ANO4: variants seen among roughly 807,000 people sequenced by gnomAD.
ANO4 encodes anoctamin-4.
In ANO4, 69 loss-of-function variants were observed where a neutral mutation model predicts 141.9. The ratio of observed to expected loss-of-function variants is 0.49; its 90% CI spans 0.40 to 0.59. ANO4 has a LOEUF of 0.59. ANO4 is among the 20% of genes least tolerant of loss of function. The pLI is 0.00. For synonymous variants in ANO4, 350 were observed against 394.3 expected (o/e 0.89, Z 1.33); for missense variants, 894 against 1,162.2 (o/e 0.77, Z 3.36).
chr12:100,888,937 T>A (rs1023871040), intron 1 of ANO4, among the ~76,000 whole-genome samples: 14 of 151,974 alleles, frequency 9.2e-5, no homozygotes, highest in African/African-American at 3.4e-4. Flanking sequence ...TGTGCAGGTT[T>A]GTTACATATG....
chr12:100,906,423 G>C lies in ANO4; in HGVS notation c.55+4583G>C, dbSNP rs186279103. On this transcript the variant is annotated intron_variant, in intron 2 of 27. Coordinates refer to ENST00000392977, the MANE Select transcript of ANO4 (RefSeq NM_001286615.2). ...AAGAGAGGTGGTAAGAGAATGGAAT[G>C]TGTGGCACTAATATTGTGGCACATA... is the stretch of plus-strand genomic sequence containing the variant. Among the ~76,000 whole-genome samples, 106 of 152,312 alleles carry C rather than the reference G, an allele frequency of 7.0e-4. 1 individual carries two copies. In the East Asian group the frequency reaches 0.017, roughly 25 times the overall value.
At chr12:101,072,607 A>G (rs2048859216) in intron 14 of ANO4, among the ~76,000 whole-genome samples, 2 of 152,342 alleles carry the variant, frequency 1.3e-5, no homozygotes, top group Admixed American at 1.3e-4. Flanking sequence ...AATTAAACAA[A>G]AGAGCTTCTG....
chr12:100,875,309 G>A (rs954185381), intron 1 of ANO4, among the ~76,000 whole-genome samples: 9 of 151,988 alleles, frequency 5.9e-5, no homozygotes, highest in Admixed American at 2.6e-4. Context: ...GAAACCCGGG[G>A]TACACCATCC....
chr12:100,734,019 C>A, intron 2 of ANO4, among the ~76,000 whole-genome samples: 1 of 152,102 alleles, frequency 6.6e-6, no homozygotes, highest in South Asian at 2.1e-4. Flanking sequence ...TTCTGGATCG[C>A]CCTCTTGTGG....
At chr12:100,937,831 C>A (rs112760366) in intron 3 of ANO4, among the ~76,000 whole-genome samples, 5 of 152,264 alleles carry the variant, frequency 3.3e-5, no homozygotes, top group African/African-American at 1.2e-4. Flanking sequence ...CCTGTATCCT[C>A]AAAGCCAGCA....
At chr12:100,948,371 A>G (rs1043608688) in intron 5 of ANO4, among the ~76,000 whole-genome samples, 3 of 152,134 alleles carry the variant, frequency 2.0e-5, no homozygotes, top group Non-Finnish European at 4.4e-5. Flanking sequence ...TCAGATTTTT[A>G]TGGATCTCTG....
chr12:100,837,960 C>T (rs1005397279), intron 1 of ANO4, among the ~76,000 whole-genome samples: 1 of 152,066 alleles, frequency 6.6e-6, no homozygotes, highest in African/African-American at 2.4e-5. Flanking sequence ...TCCTTTTTAA[C>T]AGACCAGCTT....
intron 2 of ANO4, 152 bp downstream of exon 2, chr12:100,901,992 C>T (rs2040615550): frequency 1.3e-6 from 1 of 750,238 alleles, no homozygotes; most frequent in African/African-American, 1.8e-5. Context: ...TCACCTCAGT[C>T]AATGGTAAAT....
intron 3 of ANO4, among the ~76,000 whole-genome samples, chr12:100,775,346 G>T (rs1357568293): frequency 6.6e-6 from 1 of 152,186 alleles, no homozygotes; most frequent in Non-Finnish European, 1.5e-5. Context: ...GGAGACCATA[G>T]ACCCAAACTG....
At chr12:101,052,178 G>A (rs1432810020) in intron 14 of ANO4, among the ~76,000 whole-genome samples, 2 of 152,162 alleles carry the variant, frequency 1.3e-5, no homozygotes, top group African/African-American at 2.4e-5. Context: ...GAGGGCCTTG[G>A]CATTGGGTTA....
intron 1 of ANO4, among the ~76,000 whole-genome samples, chr12:100,868,231 C>A (rs1269224562): frequency 6.6e-6 from 1 of 152,176 alleles, no homozygotes; most frequent in African/African-American, 2.4e-5. Flanking sequence ...GCACCTGAGG[C>A]AGCATTGTTG....
At chr12:100,737,170 A>G (rs1032209361) in intron 2 of ANO4, among the ~76,000 whole-genome samples, 1 of 152,178 alleles carries the variant, frequency 6.6e-6, no homozygotes, top group Non-Finnish European at 1.5e-5. Flanking sequence ...TAACAGGGAC[A>G]CCAGAGGCAG....
chr12:100,959,710 A>C (rs1039525248), intron 5 of ANO4, among the ~76,000 whole-genome samples: 4 of 152,090 alleles, frequency 2.6e-5, no homozygotes, highest in African/African-American at 9.7e-5. Flanking sequence ...GTGACATCTC[A>C]TGCTTTCCTG....
At chr12:100,981,377 T>G (rs1000407847) in intron 7 of ANO4, among the ~76,000 whole-genome samples, 4 of 151,340 alleles carry the variant, frequency 2.6e-5, no homozygotes, top group African/African-American at 9.7e-5. Flanking sequence ...CTATTATCAT[T>G]CCAAGAGGGT....
rs1443328795 is a variant in ANO4, at chr12:100,788,531, A to T, written c.358+48426A>T. ...TACACGTTATTATGTATCTATATAAACTTGAACGTTGTTATACTACCCTGA... is the reference window on the plus strand; with the variant it reads ...TACACGTTATTATGTATCTATATAATCTTGAACGTTGTTATACTACCCTGA... On this transcript the variant is annotated intron_variant, in intron 3 of 29. Transcript: ENST00000644049. Among the ~76,000 whole-genome samples the T allele has an allele frequency of 1.3e-5, 2 of 152,114 alleles. 1 individual carries two copies. Among genetic ancestry groups the T allele is most frequent in the East Asian group, 3.9e-4 (2 of 5,190 alleles).
chr12:100,719,834 T>C (rs1198254010), intron 1 of ANO4, among the ~76,000 whole-genome samples: 1 of 152,228 alleles, frequency 6.6e-6, no homozygotes, highest in Non-Finnish European at 1.5e-5. Flanking sequence ...CTTTTGAGCT[T>C]GCTCTTTCCG....
chr12:101,017,372 AC>A (rs1324220336), intron 8 of ANO4, among the ~76,000 whole-genome samples: 2 of 152,212 alleles, frequency 1.3e-5, no homozygotes, highest in Admixed American at 1.3e-4. Context: ...CTCCCATGAC[AC>A]ATGGGGATTA....
At chr12:100,877,422 A>G (rs966643447) in intron 1 of ANO4, among the ~76,000 whole-genome samples, 3 of 151,552 alleles carry the variant, frequency 2.0e-5, no homozygotes, top group Non-Finnish European at 4.4e-5. Context: ...TTTTCCAAAT[A>G]TACCTTAATT....
intron 1 of ANO4, among the ~76,000 whole-genome samples, chr12:100,865,201 C>T (rs868843149): frequency 2.0e-5 from 3 of 152,150 alleles, no homozygotes; most frequent in Admixed American, 2.0e-4. Flanking sequence ...CTTGAGGAAT[C>T]GCCACACTGT....
Sources: gnomAD v4.1 joint callset for allele counts (sites outside exome capture counted in the v4.1 genomes callset) on GRCh38, gnomAD v4.1.1 for gene constraint, MANE v1.5 for transcripts, NCBI Gene and HGNC (gene_info 2026-07-23, HGNC 2026-07-21) for gene names.